The following MYO7A variants were observed in gnomAD, a reference collection of about 807,000 sequenced individuals.
The protein encoded by MYO7A is myosin VIIA.
Under a neutral mutation model 263.8 loss-of-function variants are expected in MYO7A, and 210 were observed. That is an observed-to-expected ratio of 0.80 (90% CI 0.71 to 0.89). The LOEUF (loss-of-function observed/expected upper bound fraction) is 0.89, where lower values mean the gene tolerates loss of function less well. Among genes scored for constraint, MYO7A ranks in the 40% least tolerant of loss-of-function variants. The pLI is 0.00. For missense variants in MYO7A, 2,820 were observed against 2,968.3 expected (o/e 0.95, Z 1.16); for synonymous variants, 1,239 against 1,197.3 (o/e 1.03, Z -0.72).
chr11:77,172,470 G>A (rs781997733), intron 15 of MYO7A, among the ~76,000 whole-genome samples: 34 of 152,176 alleles, frequency 2.2e-4, no homozygotes, highest in Non-Finnish European at 4.3e-4. Flanking sequence ...GGGCAGGCTT[G>A]AGACTCCCAG....
chr11:77,178,995 C>T (rs145126497), intron 19 of MYO7A, 50 bp from the exon 20 acceptor site: 2 of 1,490,942 alleles, frequency 1.3e-6, no homozygotes, highest in East Asian at 2.4e-5. Flanking sequence ...CCCACCTGTA[C>T]CCTGGCTGCC....
chr11:77,181,265 G>A (rs1555083915), intron 22 of MYO7A, 115 bp from the exon 23 acceptor site: 3 of 900,062 alleles, frequency 3.3e-6, no homozygotes, highest in Non-Finnish European at 1.6e-6. Flanking sequence ...CCAGCGGTCA[G>A]GAGGTGGGGA....
chr11:77,191,093 G>A (rs529000660), intron 30 of MYO7A: 86 of 454,672 alleles, frequency 1.9e-4, no homozygotes, highest in Non-Finnish European at 2.6e-4. Context: ...AGGCTGAGGC[G>A]GGCAGATCAC....
rs1464094224 is a variant in MYO7A, at chr11:77,156,775, C to T, written c.586C>T (p.Leu196=). The T allele has an allele frequency of 6.2e-7, 1 of 1,614,016 alleles. No individual in the cohort carries two copies. Among genetic ancestry groups the T allele is most frequent in the Non-Finnish European group, 8.5e-7 (1 of 1,179,900 alleles). ...GCAGGTCTTGGAGGCCACCCCCATT[C>T]TGGAAGGTAGGACCAGAGTTCCGAG... is the stretch of plus-strand genomic sequence containing the variant. ...EQQVLEATPI[L]EAFGNAKTIR... is the part of the protein sequence containing the mutation. The change falls in exon 6 of 49, where the codon CTG becomes TTG. Residue 196 remains leucine (L), a synonymous_variant. Coordinates refer to ENST00000409709, the MANE Select transcript of MYO7A (RefSeq NM_000260.4).
chr11:77,189,779 C>T (rs576398184), intron 28 of MYO7A, among the ~76,000 whole-genome samples: 54 of 152,312 alleles, frequency 3.5e-4, no homozygotes, highest in Admixed American at 2.7e-3. Context: ...ATGGCAGGAC[C>T]GACCCGACTG....
At chr11:77,135,164 C>T (rs1241975768) in intron 2 of MYO7A, among the ~76,000 whole-genome samples, 1 of 152,210 alleles carries the variant, frequency 6.6e-6, no homozygotes, top group Non-Finnish European at 1.5e-5. Context: ...CTATCAATTT[C>T]TGCAATTCTT....
At position 77,192,092 on chromosome 11, in the gene MYO7A, C is replaced by A. The variant is rs543512818; in HGVS notation, c.3966C>A (p.Ala1322=). 1.2e-6 allele frequency: 2 copies of A among 1,613,820 alleles called. No homozygotes were observed. Among genetic ancestry groups the A allele is most frequent in the African/African-American group, 2.7e-5 (2 of 75,064 alleles). The change falls in exon 31 of 49, where the codon GCC becomes GCA. Residue 1322 remains alanine (A), a synonymous_variant. Transcript: ENST00000409709. The stretch of plus-strand genomic sequence containing the variant: ...GCGGCAGTGACCACGTCATGGACGC[C>A]ATCTCCCAGTGCGAGCAGTACGCCA... ...LGSGSDHVMD[A]ISQCEQYAKE... is the part of the protein sequence containing the mutation.
At chr11:77,146,333 G>A (rs149471519) in intron 3 of MYO7A, among the ~76,000 whole-genome samples, 6 of 152,308 alleles carry the variant, frequency 3.9e-5, no homozygotes, top group South Asian at 2.1e-4. Flanking sequence ...GAAGGGCTGA[G>A]AGCCCCAGAG....
At chr11:77,205,430 GC>G in intron 39 of MYO7A, 31 bp from the exon 40 acceptor site, 1 of 1,546,854 alleles carries the variant, frequency 6.5e-7, no homozygotes, top group Non-Finnish European at 8.7e-7. Context: ...GATGGCAGCT[GC>G]CCCTGCTGGA....
At chr11:77,211,121 G>C (rs1428956421) in intron 44 of MYO7A, 31 bp from the exon 45 acceptor site, 1 of 1,523,136 alleles carries the variant, frequency 6.6e-7, no homozygotes, top group African/African-American at 1.4e-5. Flanking sequence ...CCAGGTCCCT[G>C]CACGCCTGTG....
rs114799198 is a variant in MYO7A, at chr11:77,206,061, C to T, written c.5637-36C>T. ...CGGTCCCCTGGTCTCCACAGTCCCA[C>T]GCACATGCCCCCTGCTGCCCCTGCT... is the stretch of plus-strand genomic sequence containing the variant. On this transcript the variant is annotated intron_variant, in intron 40 of 48. Coordinates refer to ENST00000409709, the MANE Select transcript of MYO7A (RefSeq NM_000260.4). 3.3e-3 allele frequency: 4,964 copies of T among 1,526,322 alleles called. 106 individuals carry two copies. In the African/African-American group the frequency reaches 0.052, roughly 16 times the overall value. 94.5% of individuals were successfully genotyped at this position (1,526,322 alleles called of 1,614,324 possible).
chr11:77,150,858 G>T (rs1951911452), intron 4 of MYO7A, among the ~76,000 whole-genome samples: 1 of 152,198 alleles, frequency 6.6e-6, no homozygotes, highest in Admixed American at 6.5e-5. Context: ...GATGAGGTAG[G>T]ATTAGAGCAG....
intron 3 of MYO7A, among the ~76,000 whole-genome samples, chr11:77,146,734 T>TC (rs1415001744): frequency 6.6e-6 from 1 of 151,872 alleles, no homozygotes; most frequent in Non-Finnish European, 1.5e-5. Flanking sequence ...AGGTCCCCTT[T>TC]CCCCCCAGAA....
chr11:77,162,728 T>G, intron 13 of MYO7A, 125 bp from the exon 14 acceptor site: 1 of 1,303,484 alleles, frequency 7.7e-7, no homozygotes, highest in Non-Finnish European at 1.1e-6. Flanking sequence ...AGAGCGCCTA[T>G]GTGAGGTAGA....
Position 77,199,659 on chromosome 11 carries a change from A to G in MYO7A, c.4693A>G (p.Thr1565Ala). The change falls in exon 35 of 49, where the codon ACG (threonine) becomes GCG (alanine). Residue 1565 changes from threonine to alanine, a missense_variant. Transcript: ENST00000409709. Reference sequence around the variant, plus strand: ...GTGTTGGTCCTGCAGGGGAGCGAAAACGACGGCCCCCAGCTTCACGCTGGC... The same window carrying G: ...GTGTTGGTCCTGCAGGGGAGCGAAAGCGACGGCCCCCAGCTTCACGCTGGC... ...SPCWSCRGAK[T>A]TAPSFTLATI... 6.2e-7 allele frequency: 1 copy of G among 1,612,924 alleles called. No individual in the cohort carries two copies. The highest frequency in any genetic ancestry group is 8.5e-7 in the Non-Finnish European group (1 of 1,179,690).
chr11:77,132,016 G>A (rs531434202), intron 2 of MYO7A, among the ~76,000 whole-genome samples: 9 of 152,018 alleles, frequency 5.9e-5, no homozygotes, highest in East Asian at 2.0e-4. Flanking sequence ...CACAGCTGCC[G>A]ATGAGAGGCT....
chr11:77,132,560 C>G (rs1377910928), intron 2 of MYO7A, among the ~76,000 whole-genome samples: 2 of 152,136 alleles, frequency 1.3e-5, no homozygotes, highest in Non-Finnish European at 2.9e-5. Context: ...ATGATTTTGG[C>G]TCACTGCAAC....
intron 4 of MYO7A, among the ~76,000 whole-genome samples, 156 bp downstream of exon 4, chr11:77,148,106 TGGGGCCCATCTGCCGGCAGCCGCTCGGC>T (rs1951716307): frequency 6.6e-6 from 1 of 151,802 alleles, no homozygotes; most frequent in Non-Finnish European, 1.5e-5. Flanking sequence ...GGGCCCCTGC[TGGGGCCCATCTGCCGGCAGCCGCTCGGC>T]GGGGTCTCAT....
chr11:77,205,863 C>A (rs1447925233), intron 40 of MYO7A, among the ~76,000 whole-genome samples: 2 of 152,148 alleles, frequency 1.3e-5, no homozygotes, highest in Non-Finnish European at 2.9e-5. Context: ...ACACCTGGGC[C>A]CACTTCATAC....
Sources: gnomAD v4.1 joint callset for allele counts (sites outside exome capture counted in the v4.1 genomes callset) on GRCh38, gnomAD v4.1.1 for gene constraint, MANE v1.5 for transcripts, NCBI Gene and HGNC (gene_info 2026-07-23, HGNC 2026-07-21) for gene names.